Variants in ADH4 observed in about 807,000 individuals in gnomAD.
ADH4 encodes the protein alcohol dehydrogenase 4 (class II), pi polypeptide.
In ADH4, 31 loss-of-function variants were observed where a neutral mutation model predicts 35.2. The ratio of observed to expected loss-of-function variants is 0.88; its 90% confidence interval spans 0.66 to 1.19. ADH4 has a LOEUF of 1.19. Among genes scored for constraint, ADH4 ranks in the 50% most tolerant of loss-of-function variants. The pLI is 0.00. For missense variants in ADH4, 476 were observed against 458.3 expected (o/e 1.04, Z -0.35); for synonymous variants, 171 against 160.2 (o/e 1.07, Z -0.51).
rs1729435173 is a variant in ADH4 at position 99,136,479 on chromosome 4, A to G, written c.569T>C (p.Ile190Thr). The change falls in exon 5 of 9, where the codon ATC becomes ACC. Residue 190 changes from isoleucine (I) to threonine (T), a missense_variant. Coordinates refer to ENST00000265512, the MANE Select transcript of ADH4 (RefSeq NM_000670.5). ...CGFSTGYGAA[I>T]NNAKVTPGST... ...TTAACCATTTACCTTGGCATTGTTGATTGCAGCCCCATAGCCAGTTGAAAA... is the reference window on the plus strand; with the variant it reads ...TTAACCATTTACCTTGGCATTGTTGGTTGCAGCCCCATAGCCAGTTGAAAA... 1 of 1,613,916 alleles carries G rather than the reference A, an allele frequency of 6.2e-7. No individual in the cohort carries two copies. The highest frequency in any genetic ancestry group is 8.5e-7 in the Non-Finnish European group (1 of 1,179,872).
chr4:99,138,148 A>G (rs1295754296), intron 4 of ADH4, among the ~76,000 whole-genome samples: 2 of 152,152 alleles, frequency 1.3e-5, no homozygotes, highest in East Asian at 1.9e-4. Flanking sequence ...CGTATATTTC[A>G]TTTGGAATAT....
intron 4 of ADH4, among the ~76,000 whole-genome samples, chr4:99,137,682 A>G: frequency 6.6e-6 from 1 of 152,232 alleles, no homozygotes; most frequent in East Asian, 1.9e-4. Flanking sequence ...AGTAGAAGGA[A>G]TAGCATAATG....
intron 4 of ADH4, among the ~76,000 whole-genome samples, chr4:99,137,877 C>T (rs902460398): frequency 6.6e-6 from 1 of 152,096 alleles, no homozygotes; most frequent in Admixed American, 6.5e-5. Context: ...ACTTTAGGTC[C>T]ACATTTTTGT....
chr4:99,132,953 G>A (rs1360891285), intron 5 of ADH4, among the ~76,000 whole-genome samples: 2 of 152,068 alleles, frequency 1.3e-5, no homozygotes, highest in Non-Finnish European at 2.9e-5. Flanking sequence ...TAATAAATAT[G>A]TATATATATT....
intron 7 of ADH4, 120 bp from the exon 8 acceptor site, chr4:99,126,852 CTCCT>C: frequency 1.2e-6 from 1 of 843,910 alleles, no homozygotes; most frequent in Non-Finnish European, 1.7e-6. Flanking sequence ...ATAGATTAAA[CTCCT>C]TCCATCTTTA....
Position 99,142,776 on chromosome 4 carries a change from A to G in ADH4, c.23T>C (p.Ile8Thr), listed in dbSNP as rs1389560772. MGTKGKVIKCKAAIAWEA... is the reference protein window; with the variant it reads MGTKGKVTKCKAAIAWEA... ...CCAGGCGATGGCTGCTTTGCATTTA[A>G]TAACCTGAAAGAGAGAAAGAAAAGG... The change falls in exon 2 of 9, where the codon ATT becomes ACT. Residue 8 changes from isoleucine (I) to threonine (T), a missense_variant. By Grantham distance (89) the Ile-to-Thr change is moderately conservative. Coordinates refer to ENST00000265512, the MANE Select transcript of ADH4 (RefSeq NM_000670.5). The G allele has an allele frequency of 5.0e-6, 8 of 1,600,312 alleles. No individual in the cohort carries two copies. Among genetic ancestry groups the G allele is most frequent in the Non-Finnish European group, 6.8e-6 (8 of 1,174,450 alleles).
At position 99,124,286 on chromosome 4, in the gene ADH4, C is replaced by T. The variant is rs978324790; in HGVS notation, c.*156G>A. On this transcript the variant is annotated 3_prime_UTR_variant, in exon 9 of 9. Coordinates refer to ENST00000265512, the MANE Select transcript of ADH4 (RefSeq NM_000670.5). ...GGAATATTCATATATATAACAGGTA[C>T]AAAGTCTATAATATTTAAAGCTCTT... 2 of 593,164 alleles carry T rather than the reference C, an allele frequency of 3.4e-6. No homozygotes were observed. The highest frequency in any genetic ancestry group is 5.9e-6 in the Non-Finnish European group (2 of 337,338). 36.7% of individuals were successfully genotyped at this position (593,164 alleles called of 1,614,324 possible). A position where few individuals can be genotyped will look rare whatever the true frequency, so the allele number is the denominator to read the frequency against.
chr4:99,135,381 A>G (rs1424212490), intron 5 of ADH4, among the ~76,000 whole-genome samples: 1 of 152,160 alleles, frequency 6.6e-6, no homozygotes, highest in African/African-American at 2.4e-5. Flanking sequence ...GTAAGCAATG[A>G]TCATGCCACT....
intron 6 of ADH4, among the ~76,000 whole-genome samples, chr4:99,129,446 A>T (rs1443548920): frequency 6.6e-6 from 1 of 152,204 alleles, no homozygotes; most frequent in Non-Finnish European, 1.5e-5. Flanking sequence ...TTAAAAAAGG[A>T]TTATTTAGAA....
chr4:99,128,428 C>T (rs28987097), intron 6 of ADH4, among the ~76,000 whole-genome samples: 32,044 of 151,660 alleles, frequency 0.21, 4,050 homozygotes, highest in Non-Finnish European at 0.29. Context: ...AGTGAGACTC[C>T]ATCTCAAAAA....
chr4:99,138,294 GCTC>G (rs1729508082), intron 4 of ADH4, among the ~76,000 whole-genome samples: 1 of 151,978 alleles, frequency 6.6e-6, no homozygotes, highest in South Asian at 2.1e-4. Context: ...GCATTATTTT[GCTC>G]CTCATTTTAT....
intron 1 of ADH4, 107 bp from the exon 2 acceptor site, chr4:99,142,887 G>A (rs1036528000): frequency 4.5e-6 from 3 of 664,972 alleles, no homozygotes; most frequent in Non-Finnish European, 7.5e-6. Flanking sequence ...TATTGATACT[G>A]TAATTTCATG....
At position 99,124,343 on chromosome 4, in the gene ADH4, T is replaced by C; in HGVS notation, c.*99A>G. ...TCCCATATTAAATGTAAATATTTGTTTAAACTCATGGCTTTCCTTGGTTCA... is the reference window on the plus strand; with the variant it reads ...TCCCATATTAAATGTAAATATTTGTCTAAACTCATGGCTTTCCTTGGTTCA... On this transcript the variant is annotated 3_prime_UTR_variant, in exon 9 of 9. Coordinates refer to ENST00000265512, the MANE Select transcript of ADH4 (RefSeq NM_000670.5). 1 of 834,666 alleles carries C rather than the reference T, an allele frequency of 1.2e-6. No homozygotes were observed. The highest frequency in any genetic ancestry group is 1.9e-6 in the Non-Finnish European group (1 of 517,568). The allele number at this position is 834,666 out of a possible 1,614,324, so 51.7% of individuals were successfully genotyped here. A position where few individuals can be genotyped will look rare whatever the true frequency, so the allele number is the denominator to read the frequency against.
intron 3 of ADH4, among the ~76,000 whole-genome samples, chr4:99,140,687 G>A (rs1454517624): frequency 6.6e-6 from 1 of 151,754 alleles, no homozygotes; most frequent in Non-Finnish European, 1.5e-5. Flanking sequence ...AGCCAACATG[G>A]TGAAAACCCG....
chr4:99,127,772 C>T (rs960239196), intron 6 of ADH4, among the ~76,000 whole-genome samples: 3 of 150,618 alleles, frequency 2.0e-5, no homozygotes, highest in Admixed American at 1.3e-4. Flanking sequence ...GAGGAGGTTG[C>T]AGTGAGCCGA....
intron 2 of ADH4, among the ~76,000 whole-genome samples, chr4:99,142,053 A>G (rs568692960): frequency 6.6e-5 from 10 of 152,204 alleles, no homozygotes; most frequent in Admixed American, 5.2e-4. Context: ...TTAATTACCA[A>G]TGTATACCTA....
chr4:99,126,842 A>G, intron 7 of ADH4, 110 bp from the exon 8 acceptor site: 1 of 1,058,106 alleles, frequency 9.5e-7, no homozygotes, highest in Non-Finnish European at 1.3e-6. Context: ...TTTGCTTCAA[A>G]TAGATTAAAC....
chr4:99,136,387 ATAAC>A, intron 5 of ADH4, 75 bp downstream of exon 5: 1 of 1,195,354 alleles, frequency 8.4e-7, no homozygotes. Flanking sequence ...CAGTTTGAAG[ATAAC>A]TAACTCTAGT....
intron 6 of ADH4, among the ~76,000 whole-genome samples, chr4:99,130,607 T>C (rs1729242073): frequency 6.6e-6 from 1 of 152,218 alleles, no homozygotes; most frequent in South Asian, 2.1e-4. Flanking sequence ...TATAATTCTG[T>C]TCCATAATTG....
Sources: allele counts gnomAD v4.1 joint callset (sites outside exome capture counted in the v4.1 genomes callset), GRCh38; gene constraint gnomAD v4.1.1; transcripts MANE v1.5; gene names NCBI Gene and HGNC (gene_info 2026-07-23, HGNC 2026-07-21).